LDLRAD3: variants seen among roughly 807,000 people sequenced by gnomAD.
LDLRAD3 encodes the protein low-density lipoprotein receptor class A domain-containing protein 3.
Under a neutral mutation model 29.4 loss-of-function variants are expected in LDLRAD3, and 20 were observed. That is an observed-to-expected ratio of 0.68 (90% confidence interval 0.48 to 0.99). The LOEUF is 0.99. LDLRAD3 is among the 50% of genes least tolerant of loss of function. The pLI, the probability that LDLRAD3 is intolerant of heterozygous loss-of-function variation, is 0.00. For synonymous variants in LDLRAD3, 157 were observed against 192.7 expected (o/e 0.81, Z 1.53); for missense variants, 420 against 454.3 (o/e 0.92, Z 0.69).
intron 4 of LDLRAD3, among the ~76,000 whole-genome samples, chr11:36,106,671 TTCA>T (rs1853533289): frequency 6.6e-6 from 1 of 152,176 alleles, no homozygotes; most frequent in Non-Finnish European, 1.5e-5. Context: ...TTGTATATAG[TTCA>T]TCGAGGGAAC....
chr11:36,098,943 T>C (rs570108121), intron 4 of LDLRAD3, among the ~76,000 whole-genome samples: 18 of 152,318 alleles, frequency 1.2e-4, no homozygotes, highest in African/African-American at 4.3e-4. Context: ...CCTGTCAGTT[T>C]TACTGTGCTA....
intron 1 of LDLRAD3, among the ~76,000 whole-genome samples, chr11:36,032,503 A>G (rs1036878050): frequency 1.3e-5 from 2 of 152,172 alleles, no homozygotes; most frequent in African/African-American, 4.8e-5. Context: ...GAGAAGTCCA[A>G]AGGTTTTTTA....
intron 3 of LDLRAD3, among the ~76,000 whole-genome samples, chr11:36,091,438 C>A (rs1190084072): frequency 6.6e-6 from 1 of 152,138 alleles, no homozygotes; most frequent in African/African-American, 2.4e-5. Context: ...TTGAAGTAAA[C>A]CCTGCCAGTT....
intron 4 of LDLRAD3, among the ~76,000 whole-genome samples, chr11:36,119,728 G>T (rs1853726477): frequency 6.6e-6 from 1 of 152,060 alleles, no homozygotes; most frequent in Non-Finnish European, 1.5e-5. Flanking sequence ...TAATTCTTCA[G>T]ACAATTCCTT....
At chr11:36,038,200 C>T (rs146420026) in intron 2 of LDLRAD3, among the ~76,000 whole-genome samples, 9 of 152,272 alleles carry the variant, frequency 5.9e-5, no homozygotes, top group Admixed American at 1.3e-4. Flanking sequence ...CCACCAAGCC[C>T]GGCCTGCAGA....
chr11:36,119,488 A>G (rs1023406612), intron 4 of LDLRAD3, among the ~76,000 whole-genome samples: 14 of 146,814 alleles, frequency 9.5e-5, no homozygotes, highest in Admixed American at 3.5e-4. Flanking sequence ...CCTCACCAGC[A>G]CTTATTATTC....
intron 4 of LDLRAD3, among the ~76,000 whole-genome samples, chr11:36,179,749 T>G (rs577783443): frequency 5.9e-5 from 9 of 151,970 alleles, no homozygotes; most frequent in Admixed American, 6.5e-5. Flanking sequence ...TTCCAGCACT[T>G]TGGGAGGCTG....
rs115209506 is a variant in LDLRAD3 at position 35,947,231 on chromosome 11, C to T, written c.46+3087C>T. Among the ~76,000 whole-genome samples the T allele has an allele frequency of 7.4e-3, 1,133 of 152,244 alleles. 25 individuals are homozygous for T. The highest frequency in any genetic ancestry group is 0.026 in the African/African-American group (1,064 of 41,530). ...TCATGTTAAAGAATTGGCCTTAAGC[C>T]GGAGTAATGGCTCACGCCTGTAATC... On this transcript the variant is annotated intron_variant, in intron 1 of 5. Coordinates refer to ENST00000315571, the MANE Select transcript of LDLRAD3 (RefSeq NM_174902.4).
chr11:36,125,323 A>T (rs1853820034), intron 4 of LDLRAD3, among the ~76,000 whole-genome samples: 1 of 152,126 alleles, frequency 6.6e-6, no homozygotes, highest in East Asian at 1.9e-4. Flanking sequence ...CTTATTGTCG[A>T]CTATGTGACT....
At chr11:36,175,302 A>G (rs568585933) in intron 4 of LDLRAD3, among the ~76,000 whole-genome samples, 10 of 151,832 alleles carry the variant, frequency 6.6e-5, no homozygotes, top group African/African-American at 2.4e-4. Flanking sequence ...TTTTGTTTCA[A>G]TTTCATTTAG....
intron 1 of LDLRAD3, among the ~76,000 whole-genome samples, chr11:35,962,027 G>A (rs1851283935): frequency 6.6e-6 from 1 of 152,124 alleles, no homozygotes; most frequent in African/African-American, 2.4e-5. Context: ...TTTCAGTCCT[G>A]AAATTTCTGG....
intron 4 of LDLRAD3, among the ~76,000 whole-genome samples, chr11:36,150,923 T>C (rs1455388463): frequency 6.6e-6 from 1 of 152,170 alleles, no homozygotes; most frequent in African/African-American, 2.4e-5. Flanking sequence ...AGCCCAGTCC[T>C]GCTTGTCTTG....
chr11:36,019,293 A>G (rs1852063483), intron 1 of LDLRAD3, among the ~76,000 whole-genome samples: 1 of 152,180 alleles, frequency 6.6e-6, no homozygotes, highest in South Asian at 2.1e-4. Flanking sequence ...ATGGTCTCTC[A>G]TGTTGTTAGC....
intron 1 of LDLRAD3, among the ~76,000 whole-genome samples, chr11:36,017,432 T>C (rs902116078): frequency 6.6e-6 from 1 of 152,228 alleles, no homozygotes; most frequent in South Asian, 2.1e-4. Context: ...TACTCTTGAC[T>C]GGTCAACTTT....
intron 2 of LDLRAD3, among the ~76,000 whole-genome samples, chr11:36,056,226 T>C (rs373539870): frequency 1.1e-3 from 166 of 152,150 alleles, no homozygotes; most frequent in African/African-American, 4.0e-3. Context: ...AACTCCTGAC[T>C]TTGTGATCCA....
intron 4 of LDLRAD3, among the ~76,000 whole-genome samples, chr11:36,152,950 A>G (rs114799379): frequency 0.01 from 1,576 of 152,284 alleles, 25 homozygotes; most frequent in African/African-American, 0.036. Flanking sequence ...TCAAGGGTAC[A>G]ATCAAGCAGT....
intron 1 of LDLRAD3, among the ~76,000 whole-genome samples, chr11:36,019,444 A>ACATC (rs1404525308): frequency 2.9e-4 from 44 of 152,186 alleles, no homozygotes; most frequent in Admixed American, 2.4e-3. Context: ...TCCTCTCTTC[A>ACATC]CATCCAGGTC....
At chr11:35,979,635 G>T (rs1006986404) in intron 1 of LDLRAD3, among the ~76,000 whole-genome samples, 13 of 152,154 alleles carry the variant, frequency 8.5e-5, no homozygotes, top group African/African-American at 2.4e-4. Flanking sequence ...ATTTGTTTTA[G>T]GTTGTTGGAG....
chr11:36,048,359 A>G (rs1852482036), intron 2 of LDLRAD3, among the ~76,000 whole-genome samples: 1 of 152,080 alleles, frequency 6.6e-6, no homozygotes, highest in Admixed American at 6.5e-5. Context: ...CTCCAACTAC[A>G]ATGCTGTCGA....
Sources: gnomAD v4.1 joint callset for allele counts (sites outside exome capture counted in the v4.1 genomes callset) on GRCh38, gnomAD v4.1.1 for gene constraint, MANE v1.5 for transcripts, NCBI Gene and HGNC (gene_info 2026-07-23, HGNC 2026-07-21) for gene names.